The following JADE1 variants were observed in gnomAD, a reference collection of about 807,000 sequenced individuals.
The protein encoded by JADE1 is jade family PHD finger 1, also known as protein Jade-1.
Under a neutral mutation model 81.8 loss-of-function variants are expected in JADE1, and 14 were observed. The ratio of observed to expected loss-of-function variants is 0.17; its 90% CI spans 0.11 to 0.27. The LOEUF (loss-of-function observed/expected upper bound fraction) is 0.27, where lower values mean the gene tolerates loss of function less well. JADE1 is among the 10% of genes least tolerant of loss of function. JADE1 has a pLI of 1.00. For synonymous variants in JADE1, 353 were observed against 391.9 expected (o/e 0.90, Z 1.17); for missense variants, 690 against 1,047.9 (o/e 0.66, Z 4.71).
rs540017020 is a variant in JADE1, at chr4:128,833,237, C to T, written c.52+1427C>T. ...AGGCGCTTGTTGTTTCATAACCCTG[C>T]CTACCTGTTTTCTAACGTTTATAGT... is the stretch of plus-strand genomic sequence containing the variant. On this transcript the variant is annotated intron_variant, in intron 2 of 10. Transcript: ENST00000226319. Among the ~76,000 whole-genome samples, 6 of 152,244 alleles carry T rather than the reference C, an allele frequency of 3.9e-5. No individual in the cohort carries two copies. In the South Asian group the frequency reaches 1.2e-3, roughly 32 times the overall value.
chr4:128,824,293 T>G (rs946447265), intron 1 of JADE1, among the ~76,000 whole-genome samples: 1 of 151,944 alleles, frequency 6.6e-6, no homozygotes, highest in African/African-American at 2.4e-5. Flanking sequence ...TAGCTGGGCG[T>G]GTTGGCAGGC....
intron 4 of JADE1, among the ~76,000 whole-genome samples, chr4:128,848,245 C>G (rs1016449227): frequency 2.6e-5 from 4 of 152,154 alleles, no homozygotes; most frequent in Non-Finnish European, 4.4e-5. Flanking sequence ...GTGGTGCAAT[C>G]TTGGCTCACT....
At chr4:128,831,690 T>C in intron 1 of JADE1, 43 bp from the exon 2 acceptor site, 6 of 1,544,468 alleles carry the variant, frequency 3.9e-6, no homozygotes, top group Non-Finnish European at 5.4e-6. Flanking sequence ...TTGATGATTG[T>C]GTATTATCAT....
At chr4:128,847,442 CCT>C (rs1276430619) in intron 4 of JADE1, among the ~76,000 whole-genome samples, 5 of 152,250 alleles carry the variant, frequency 3.3e-5, no homozygotes, top group Non-Finnish European at 7.4e-5. Flanking sequence ...GACAAATGCC[CCT>C]GTCTTACTCA....
At chr4:128,842,619 A>G (rs1181252231) in intron 2 of JADE1, among the ~76,000 whole-genome samples, 2 of 152,060 alleles carry the variant, frequency 1.3e-5, no homozygotes, top group East Asian at 1.9e-4. Flanking sequence ...TTCAATTTGT[A>G]TTTAGCAGCA....
At chr4:128,856,927 C>T (rs184992109) in intron 7 of JADE1, among the ~76,000 whole-genome samples, 49 of 152,118 alleles carry the variant, frequency 3.2e-4, no homozygotes, top group Admixed American at 1.1e-3. Context: ...TTTTTTTTGG[C>T]GAGAGATTAA....
At chr4:128,860,363 A>G (rs138170440) in intron 8 of JADE1, among the ~76,000 whole-genome samples, 1 of 152,296 alleles carries the variant, frequency 6.6e-6, no homozygotes, top group East Asian at 1.9e-4. Flanking sequence ...TTCTCAGTAA[A>G]AGAGACCTCA....
Position 128,871,627 on chromosome 4 carries a change from G to A in JADE1, c.1894G>A (p.Gly632Ser). 1.2e-6 allele frequency: 2 copies of A among 1,614,132 alleles called. No homozygotes were observed. The highest frequency in any genetic ancestry group is 1.7e-6 in the Non-Finnish European group (2 of 1,180,034). Reference protein sequence around the residue: ...EGMVVPESFLGLEKTFAEARL... With the variant: ...EGMVVPESFLSLEKTFAEARL... ...GATGGTGGTCCCAGAGAGCTTTTTG[G>A]GTTTAGAAAAGACCTTTGCAGAAGC... is the stretch of plus-strand genomic sequence containing the variant. Residue 632 changes from glycine to serine, a missense_variant, in exon 11 of 11, where the codon GGT (glycine) becomes AGT (serine). This residue lies in a region of JADE1 where 218 missense variants were observed against 274.3 expected (regional missense o/e 0.79). Coordinates refer to ENST00000226319, the MANE Select transcript of JADE1 (RefSeq NM_199320.4). This position sits in a 1 kb window ranked among gnomAD's most constrained non-coding sequence, Gnocchi z 4.1.
chr4:128,855,650 G>A lies in JADE1; in HGVS notation c.717G>A (p.Lys239=), dbSNP rs1366134372. 6.2e-7 allele frequency: 1 copy of A among 1,613,480 alleles called. No individual in the cohort carries two copies. Among genetic ancestry groups the A allele is most frequent in the African/African-American group, 1.3e-5 (1 of 75,018 alleles). Residue 239 remains lysine (K), a synonymous_variant, in exon 7 of 11, where the codon AAG becomes AAA. Coordinates refer to ENST00000226319, the MANE Select transcript of JADE1 (RefSeq NM_199320.4). Reference sequence around the variant, plus strand: ...CACAGGCCTGTTATGGAATCCTCAAGGTACCAGAGGGCAGCTGGCTGTGCC... The same window carrying A: ...CACAGGCCTGTTATGGAATCCTCAAAGTACCAGAGGGCAGCTGGCTGTGCC... ...CVHQACYGIL[K]VPEGSWLCRT...
intron 9 of JADE1, chr4:128,863,471 G>A (rs940270667): frequency 2.0e-6 from 2 of 985,390 alleles, no homozygotes; most frequent in Non-Finnish European, 2.4e-6. Context: ...GACCTGCATG[G>A]CCCTGTTAGA....
chr4:128,858,261 A>T (rs1032313377), intron 8 of JADE1, among the ~76,000 whole-genome samples: 1 of 152,180 alleles, frequency 6.6e-6, no homozygotes, highest in Non-Finnish European at 1.5e-5. Context: ...CTAAGACCCT[A>T]CTGAGAAGTT....
At chr4:128,866,343 C>T (rs890165632) in intron 9 of JADE1, among the ~76,000 whole-genome samples, 4 of 152,248 alleles carry the variant, frequency 2.6e-5, no homozygotes, top group Non-Finnish European at 4.4e-5. Flanking sequence ...TGGGAAGATC[C>T]GTAAAGTGAA....
intron 9 of JADE1, among the ~76,000 whole-genome samples, chr4:128,865,923 G>C (rs1465262843): frequency 6.6e-6 from 1 of 152,256 alleles, no homozygotes; most frequent in East Asian, 1.9e-4. Flanking sequence ...CAACCTGTCT[G>C]CTCCTAAGAT....
chr4:128,837,400 T>C (rs1187703788), intron 2 of JADE1, among the ~76,000 whole-genome samples: 2 of 152,228 alleles, frequency 1.3e-5, no homozygotes, highest in Non-Finnish European at 2.9e-5. Context: ...GAAACATTTC[T>C]GGGCCAGTTC....
intron 5 of JADE1, among the ~76,000 whole-genome samples, chr4:128,851,364 A>C (rs1375161937): frequency 1.3e-5 from 2 of 152,334 alleles, no homozygotes; most frequent in East Asian, 3.9e-4. Context: ...AAGAAAGGCA[A>C]ATTTTTAAAA....
intron 8 of JADE1, among the ~76,000 whole-genome samples, chr4:128,859,355 GTA>G (rs1731090472): frequency 6.6e-6 from 1 of 152,068 alleles, no homozygotes; most frequent in African/African-American, 2.4e-5. Flanking sequence ...GCGTATTTGA[GTA>G]TGCGTGTGTG....
intron 8 of JADE1, among the ~76,000 whole-genome samples, chr4:128,859,354 A>AGTATGCGTGTGTGAATGTGTAT (rs1560771281): frequency 6.6e-6 from 1 of 151,024 alleles, no homozygotes; most frequent in Non-Finnish European, 1.5e-5. Context: ...TGCGTATTTG[A>AGTATGCGTGTGTGAATGTGTAT]GTATGCGTGT....
rs184713322 is a variant in JADE1, at chr4:128,817,597, C to T, written c.-27+7720C>T. Reference sequence around the variant, plus strand: ...CTTCATGGCTTGCTTTAATTTAGCACAAAGTACACTAAATGCAATTTAAAT... The same window carrying T: ...CTTCATGGCTTGCTTTAATTTAGCATAAAGTACACTAAATGCAATTTAAAT... On this transcript the variant is annotated intron_variant, in intron 1 of 10. Coordinates refer to ENST00000226319, the MANE Select transcript of JADE1 (RefSeq NM_199320.4). 1.1e-4 allele frequency among the ~76,000 whole-genome samples: 17 copies of T among 152,318 alleles called. 1 individual carries two copies. In the East Asian group the frequency reaches 3.3e-3, roughly 29 times the overall value.
At chr4:128,861,601 C>T (rs1731334356) in intron 8 of JADE1, 103 bp from the exon 9 acceptor site, 1 of 1,268,978 alleles carries the variant, frequency 7.9e-7, no homozygotes, top group Non-Finnish European at 1.1e-6. Flanking sequence ...TGAAGCATGG[C>T]TCTTCTCTGT....
Sources: gnomAD v4.1 joint callset for allele counts (sites outside exome capture counted in the v4.1 genomes callset) on GRCh38, gnomAD v4.1.1 for gene constraint, gnomAD v4.1.1 regional missense constraint, Gnocchi (gnomAD v3.1) non-coding constraint, MANE v1.5 for transcripts, NCBI Gene and HGNC (gene_info 2026-07-23, HGNC 2026-07-21) for gene names.